DLEU7: variants seen among roughly 807,000 people sequenced by gnomAD.
DLEU7 encodes the protein leukemia-associated protein 7.
A neutral mutation model predicts 16.0 loss-of-function variants in DLEU7; 17 were observed. The observed-to-expected ratio is 1.06, with a 90% CI of 0.73 to 1.59. The LOEUF (loss-of-function observed/expected upper bound fraction) is 1.59. Among genes scored for constraint, DLEU7 ranks in the 40% most tolerant of loss-of-function variants. The pLI is 0.00. For synonymous variants in DLEU7, 113 were observed against 139.8 expected (o/e 0.81, Z 1.35); for missense variants, 308 against 314.9 (o/e 0.98, Z 0.17).
intron 1 of DLEU7, among the ~76,000 whole-genome samples, chr13:50,733,266 A>T (rs549589611): frequency 6.6e-6 from 1 of 152,214 alleles, no homozygotes; most frequent in Non-Finnish European, 1.5e-5. Flanking sequence ...AAAGCTCCTC[A>T]GGTGATTCTC....
chr13:50,770,579 G>T (rs1325067039), intron 1 of DLEU7, among the ~76,000 whole-genome samples: 3 of 152,140 alleles, frequency 2.0e-5, no homozygotes, highest in African/African-American at 7.2e-5. Flanking sequence ...TATGTTTATT[G>T]ATTTGCATAT....
intron 1 of DLEU7, among the ~76,000 whole-genome samples, chr13:50,767,937 G>A (rs533825695): frequency 3.2e-4 from 48 of 152,166 alleles, no homozygotes; most frequent in Non-Finnish European, 6.0e-4. Flanking sequence ...GCAGTCCCAC[G>A]GGACAAACAC....
intron 1 of DLEU7, among the ~76,000 whole-genome samples, chr13:50,732,197 T>G (rs555838228): frequency 1.3e-5 from 2 of 152,280 alleles, no homozygotes; most frequent in South Asian, 4.1e-4. Context: ...CACAGAAAAT[T>G]TTATCCCAGA....
At position 50,805,724 on chromosome 13, in the gene DLEU7, T is replaced by C. The variant is rs574783701; in HGVS notation, c.459+37464A>G. 3.3e-5 allele frequency among the ~76,000 whole-genome samples: 5 copies of C among 152,358 alleles called. No individual in the cohort carries two copies. In the South Asian group the frequency reaches 1.0e-3, roughly 32 times the overall value. On this transcript the variant is annotated intron_variant, in intron 1 of 1. Coordinates refer to the DLEU7 transcript ENST00000400393. ...ATTCAGCTTTATCGCCTTTCCTTTT[T>C]CTAGAAACCTCACCACTTTGAGGCC...
At chr13:50,813,395 G>T (rs1031569498) in intron 1 of DLEU7, among the ~76,000 whole-genome samples, 2 of 152,042 alleles carry the variant, frequency 1.3e-5, no homozygotes, top group African/African-American at 4.8e-5. Flanking sequence ...AAATAAACAA[G>T]TGCTATGTGT....
chr13:50,753,445 C>T lies in DLEU7; in HGVS notation c.460-40205G>A, dbSNP rs138822523. ...GCATGGCGGGCTGCAGGCCCCGAGC[C>T]CTGCCCCGTGGGAAGGCAGCTAAGG... is the stretch of plus-strand genomic sequence containing the variant. On this transcript the variant is annotated intron_variant, in intron 1 of 1. Transcript: ENST00000400393. 4.6e-3 allele frequency among the ~76,000 whole-genome samples: 696 copies of T among 152,360 alleles called. 4 individuals are homozygous for T. The highest frequency in any genetic ancestry group is 0.013 in the African/African-American group (526 of 41,590).
intron 1 of DLEU7, among the ~76,000 whole-genome samples, chr13:50,835,997 T>C (rs145320228): frequency 6.6e-6 from 1 of 152,298 alleles, no homozygotes; most frequent in African/African-American, 2.4e-5. Context: ...CAATATGACT[T>C]AATAGACTCT....
At chr13:50,774,855 T>A (rs1049091179) in intron 1 of DLEU7, among the ~76,000 whole-genome samples, 2 of 152,120 alleles carry the variant, frequency 1.3e-5, no homozygotes, top group African/African-American at 2.4e-5. Context: ...CTTTCTTTTG[T>A]TGTGTTAAAT....
At chr13:50,764,439 C>T (rs17074905) in intron 1 of DLEU7, among the ~76,000 whole-genome samples, 1,764 of 152,244 alleles carry the variant, frequency 0.012, 38 homozygotes, top group African/African-American at 0.041. Flanking sequence ...TAACTAACAA[C>T]GAACAAAACC....
chr13:50,749,712 C>T (rs751311354), intron 1 of DLEU7, among the ~76,000 whole-genome samples: 21 of 151,826 alleles, frequency 1.4e-4, no homozygotes, highest in Non-Finnish European at 3.1e-4. Context: ...TTTTTTCATA[C>T]ATTTGTTTGG....
chr13:50,780,689 T>C (rs114265435), intron 1 of DLEU7, among the ~76,000 whole-genome samples: 2,067 of 152,206 alleles, frequency 0.014, 46 homozygotes, highest in African/African-American at 0.045. Context: ...AGTAAAGTCA[T>C]CATTGGTCCT....
At chr13:50,758,476 T>C (rs978333035) in intron 1 of DLEU7, among the ~76,000 whole-genome samples, 1 of 152,212 alleles carries the variant, frequency 6.6e-6, no homozygotes, top group African/African-American at 2.4e-5. Context: ...ACAGTTTCCG[T>C]GAGTCAGGAA....
intron 1 of DLEU7, among the ~76,000 whole-genome samples, chr13:50,757,966 G>A (rs1874812264): frequency 6.6e-6 from 1 of 150,730 alleles, no homozygotes; most frequent in Non-Finnish European, 1.5e-5. Flanking sequence ...TCTAAATATG[G>A]TAAGTGTGAA....
chr13:50,771,377 C>G (rs1176348702), intron 1 of DLEU7, among the ~76,000 whole-genome samples: 1 of 152,172 alleles, frequency 6.6e-6, no homozygotes, highest in African/African-American at 2.4e-5. Context: ...TTTAGATCTT[C>G]CCTGCTTTCT....
At chr13:50,735,454 A>G (rs559294340) in intron 1 of DLEU7, among the ~76,000 whole-genome samples, 4 of 152,298 alleles carry the variant, frequency 2.6e-5, no homozygotes, top group African/African-American at 7.2e-5. Flanking sequence ...CACTCTTTGT[A>G]TACTATGGAA....
intron 1 of DLEU7, chr13:50,840,064 G>A (rs1185668897): frequency 6.6e-6 from 1 of 152,198 alleles, no homozygotes; most frequent in Admixed American, 6.5e-5. Context: ...ATGGGCTTTA[G>A]TTCAAGTGAG....
Position 50,785,321 on chromosome 13 carries a change from GACAGTAATC to G in DLEU7, c.459+57858_459+57866del, listed in dbSNP as rs573226988. Among the ~76,000 whole-genome samples, 122 of 152,290 alleles carry G rather than the reference GACAGTAATC, an allele frequency of 8.0e-4. 1 individual carries two copies. In the South Asian group the frequency reaches 0.012, roughly 15 times the overall value. ...AATTTTAGATTAAATCAGAAGATGT[GACAGTAATC>G]ATAGTAATCAGTGTAACACTACAAT... On this transcript the variant is annotated intron_variant, in intron 1 of 1. Transcript: ENST00000400393.
chr13:50,837,617 T>A (rs1310509158), intron 1 of DLEU7, among the ~76,000 whole-genome samples: 1 of 152,334 alleles, frequency 6.6e-6, no homozygotes, highest in Non-Finnish European at 1.5e-5. Flanking sequence ...ACTGATTATA[T>A]AACCGTGAGC....
chr13:50,774,532 T>C (rs1458259213), intron 1 of DLEU7, among the ~76,000 whole-genome samples: 1 of 152,244 alleles, frequency 6.6e-6, no homozygotes, highest in African/African-American at 2.4e-5. Flanking sequence ...TAAGATTTAT[T>C]CTTTGGTTTT....
Sources: gnomAD v4.1 joint callset for allele counts (sites outside exome capture counted in the v4.1 genomes callset) on GRCh38, gnomAD v4.1.1 for gene constraint, MANE v1.5 for transcripts, NCBI Gene and HGNC (gene_info 2026-07-23, HGNC 2026-07-21) for gene names.